The following ASAP1 variants were observed in gnomAD, a reference collection of about 807,000 sequenced individuals.
ASAP1 encodes the protein ArfGAP with SH3 domain, ankyrin repeat and PH domain 1.
Under a neutral mutation model 145.2 loss-of-function variants are expected in ASAP1, and 43 were observed. That is an observed-to-expected ratio of 0.30 (90% CI 0.23 to 0.38). The LOEUF (loss-of-function observed/expected upper bound fraction) is 0.38. ASAP1 is among the 10% of genes least tolerant of loss of function. The pLI is 1.00. For missense variants in ASAP1, 1,018 were observed against 1,355.3 expected, an observed-to-expected ratio of 0.75 and a Z score of 3.91; for synonymous variants, 546 against 515.5, an observed-to-expected ratio of 1.06 and a Z score of -0.80.
Position 130,305,998 on chromosome 8 carries a change from C to A in ASAP1, c.186+52019G>T, listed in dbSNP as rs949477949. On this transcript the variant is annotated intron_variant, in intron 3 of 29. Transcript: ENST00000518721. Reference sequence around the variant, plus strand: ...CAATGTCCCTTACTTACAGTTCCAACATCATCAGGGCAAGTCATGACTTGT... The same window carrying A: ...CAATGTCCCTTACTTACAGTTCCAAAATCATCAGGGCAAGTCATGACTTGT... Among the ~76,000 whole-genome samples, 6 of 152,244 alleles carry A rather than the reference C, an allele frequency of 3.9e-5. No individual in the cohort carries two copies. In the East Asian group the frequency reaches 1.2e-3, roughly 29 times the overall value.
At chr8:130,238,543 G>C (rs1818345872) in intron 3 of ASAP1, among the ~76,000 whole-genome samples, 1 of 152,156 alleles carries the variant, frequency 6.6e-6, no homozygotes, top group South Asian at 2.1e-4. Flanking sequence ...AGTAACACTA[G>C]AACTAACATT....
intron 8 of ASAP1, 129 bp downstream of exon 8, chr8:130,180,622 A>C: frequency 1.7e-6 from 2 of 1,171,394 alleles, no homozygotes; most frequent in Non-Finnish European, 1.2e-6. Context: ...GGAGATTAGA[A>C]TCCTTAAGAA....
At position 130,092,012 on chromosome 8, in the gene ASAP1, G is replaced by A; in HGVS notation, c.2533C>T (p.Leu845=). 6.4e-7 allele frequency: 1 copy of A among 1,564,252 alleles called. No homozygotes were observed. Among genetic ancestry groups the A allele is most frequent in the Non-Finnish European group, 8.6e-7 (1 of 1,161,342 alleles). ...CCTTTGTTTGGGGGCCCATGAGGTAGTGGGCTGGGAGGGTCGGATAGGGTT... is the reference window on the plus strand; with the variant it reads ...CCTTTGTTTGGGGGCCCATGAGGTAATGGGCTGGGAGGGTCGGATAGGGTT... The part of the protein sequence containing the change: ...KRTLSDPPSP[L]PHGPPNKGAV... Residue 845 remains leucine (L), a synonymous_variant, in exon 25 of 30, where the codon CTA becomes TTA. Transcript: ENST00000518721.
At chr8:130,066,621 T>TTTCATTCATTCA (rs201665012) in intron 27 of ASAP1, among the ~76,000 whole-genome samples, 2 of 151,814 alleles carry the variant, frequency 1.3e-5, no homozygotes, top group African/African-American at 4.8e-5. Flanking sequence ...TTTCTTTTTC[T>TTTCATTCATTCA]TTCATTCATT....
At chr8:130,065,031 T>C (rs1270727608) in intron 27 of ASAP1, among the ~76,000 whole-genome samples, 2 of 151,542 alleles carry the variant, frequency 1.3e-5, no homozygotes, top group African/African-American at 4.8e-5. Context: ...TGTGTCACCA[T>C]GCCCAGCTAT....
chr8:130,147,969 A>AG (rs1419564571), intron 13 of ASAP1, among the ~76,000 whole-genome samples: 1 of 152,258 alleles, frequency 6.6e-6, no homozygotes, highest in African/African-American at 2.4e-5. Context: ...GGGCATCTGA[A>AG]GACATCTGAA....
chr8:130,249,995 T>A (rs1819093112), intron 3 of ASAP1, among the ~76,000 whole-genome samples: 2 of 152,180 alleles, frequency 1.3e-5, no homozygotes, highest in African/African-American at 4.8e-5. Flanking sequence ...CATGCTAGAT[T>A]TCCTTTTAAA....
rs2097506621 is a variant in ASAP1 at position 130,092,025 on chromosome 8, G to A, written c.2520C>T (p.Asp840=). ...PPPGHKRTLS[D]PPSPLPHGPP... ...GCCCATGAGGTAGTGGGCTGGGAGG[G>A]TCGGATAGGGTTCTCTTGTGTCCGG... The change falls in exon 25 of 30, where the codon GAC becomes GAT. Residue 840 remains aspartate, a synonymous_variant. Transcript: ENST00000518721. The A allele has an allele frequency of 3.2e-6, 5 of 1,574,622 alleles. No homozygotes were observed. Among genetic ancestry groups the A allele is most frequent in the Non-Finnish European group, 3.4e-6 (4 of 1,164,942 alleles).
At chr8:130,383,374 G>A (rs1827869040) in intron 2 of ASAP1, among the ~76,000 whole-genome samples, 1 of 152,212 alleles carries the variant, frequency 6.6e-6, no homozygotes, top group Non-Finnish European at 1.5e-5. Context: ...CAAGCCAGGA[G>A]TCTGTAAGCA....
At chr8:130,111,235 A>T (rs1002664914) in intron 24 of ASAP1, among the ~76,000 whole-genome samples, 6 of 150,482 alleles carry the variant, frequency 4.0e-5, no homozygotes, top group African/African-American at 1.5e-4. Flanking sequence ...AAAAAAAAAA[A>T]AGCTGGGCAT....
chr8:130,403,182 C>T (rs1828873364), intron 1 of ASAP1, among the ~76,000 whole-genome samples: 1 of 152,174 alleles, frequency 6.6e-6, no homozygotes, highest in African/African-American at 2.4e-5. Flanking sequence ...TGTAAAACCA[C>T]TACCATACCT....
intron 5 of ASAP1, among the ~76,000 whole-genome samples, chr8:130,213,008 C>A (rs993112400): frequency 3.9e-5 from 6 of 152,232 alleles, no homozygotes; most frequent in African/African-American, 1.4e-4. Flanking sequence ...AACTGTCAGT[C>A]TTGTTTTGCT....
chr8:130,118,368 G>T (rs958506631), intron 19 of ASAP1, 121 bp downstream of exon 19: 30 of 1,341,402 alleles, frequency 2.2e-5, no homozygotes, highest in Admixed American at 1.1e-4. Flanking sequence ...ATATTCTCTT[G>T]ATTTAGACAT....
At chr8:130,262,457 A>AGAGAGAGAGAGAGT (rs796416744) in intron 3 of ASAP1, among the ~76,000 whole-genome samples, 2 of 127,802 alleles carry the variant, frequency 1.6e-5, no homozygotes, top group Non-Finnish European at 3.3e-5. Flanking sequence ...AGAGAGAGAG[A>AGAGAGAGAGAGAGT]ACCTGTGGAA....
chr8:130,222,194 T>C (rs553674887), intron 4 of ASAP1, among the ~76,000 whole-genome samples: 64 of 152,348 alleles, frequency 4.2e-4, no homozygotes, highest in African/African-American at 1.5e-3. Flanking sequence ...GAGGCCTTCC[T>C]CAAAACTTTC....
chr8:130,163,813 A>G (rs2097674520), intron 11 of ASAP1, among the ~76,000 whole-genome samples: 1 of 152,256 alleles, frequency 6.6e-6, no homozygotes, highest in Admixed American at 6.5e-5. Context: ...CAAAAACATA[A>G]AACATAAACA....
At position 130,114,241 on chromosome 8, in the gene ASAP1, C is replaced by A. The variant is rs1487518139; in HGVS notation, c.2172+1387G>T. Among the ~76,000 whole-genome samples, 3 of 152,110 alleles carry A rather than the reference C, an allele frequency of 2.0e-5. No homozygotes were observed. The East Asian group carries it at 5.8e-4, about 29-fold the overall frequency. On this transcript the variant is annotated intron_variant, in intron 23 of 29. Coordinates refer to ENST00000518721, the MANE Select transcript of ASAP1 (RefSeq NM_018482.4). ...CATCATAGAGTATACTTACACAAACCTAGATGGGAGAGCCTACTACACACC... is the reference window on the plus strand; with the variant it reads ...CATCATAGAGTATACTTACACAAACATAGATGGGAGAGCCTACTACACACC...
intron 3 of ASAP1, among the ~76,000 whole-genome samples, chr8:130,249,553 C>A (rs969711203): frequency 1.1e-4 from 16 of 152,090 alleles, no homozygotes; most frequent in African/African-American, 3.6e-4. Context: ...TGGGTTTTAT[C>A]ACCCAATAAG....
rs1033483800 is a variant in ASAP1, at chr8:130,095,498, G to A, written c.2402-3355C>T. Reference sequence around the variant, plus strand: ...GTATTTTTAGTAGAGATGGGGTTTTGCCATGTTGGCCAGGCAGGTCTTGAA... The same window carrying A: ...GTATTTTTAGTAGAGATGGGGTTTTACCATGTTGGCCAGGCAGGTCTTGAA... On this transcript the variant is annotated intron_variant, in intron 24 of 29. Transcript: ENST00000518721. Among the ~76,000 whole-genome samples, 3 of 151,272 alleles carry A rather than the reference G, an allele frequency of 2.0e-5. No individual in the cohort carries two copies. The East Asian group carries it at 5.8e-4, about 29-fold the overall frequency.
Sources: gnomAD v4.1 joint callset for allele counts (sites outside exome capture counted in the v4.1 genomes callset) on GRCh38, gnomAD v4.1.1 for gene constraint, MANE v1.5 for transcripts, NCBI Gene and HGNC (gene_info 2026-07-23, HGNC 2026-07-21) for gene names.